SSH2: variants seen among roughly 807,000 people sequenced by gnomAD.
SSH2 encodes protein phosphatase Slingshot homolog 2.
SSH2 carries 37 observed loss-of-function variants against 135.2 expected under a neutral mutation model. That is an observed-to-expected ratio of 0.27 (90% CI 0.21 to 0.36). SSH2 has a LOEUF of 0.36. SSH2 is among the 10% of genes least tolerant of loss of function. The pLI is 1.00. For missense variants in SSH2, 1,408 were observed against 1,765.3 expected, an observed-to-expected ratio of 0.80 and a Z score of 3.63; for synonymous variants, 628 against 646.2, an observed-to-expected ratio of 0.97 and a Z score of 0.43.
At chr17:29,642,574 C>G (rs999518576) in intron 14 of SSH2, among the ~76,000 whole-genome samples, 3 of 151,840 alleles carry the variant, frequency 2.0e-5, no homozygotes, top group Admixed American at 6.6e-5. Context: ...CACCACCCCC[C>G]CCACCGCCTC....
At chr17:29,747,516 A>G (rs1023598998) in intron 3 of SSH2, among the ~76,000 whole-genome samples, 1 of 152,256 alleles carries the variant, frequency 6.6e-6, no homozygotes, top group Non-Finnish European at 1.5e-5. Context: ...CAATCTATTT[A>G]TAAATTACTG....
chr17:29,719,879 C>T (rs1325312991), intron 3 of SSH2, among the ~76,000 whole-genome samples: 2 of 152,158 alleles, frequency 1.3e-5, no homozygotes, highest in Non-Finnish European at 2.9e-5. Flanking sequence ...GCCTCAGCCT[C>T]CCAAATAGCT....
At chr17:29,884,413 G>C (rs1478034000) in intron 1 of SSH2, among the ~76,000 whole-genome samples, 1 of 152,086 alleles carries the variant, frequency 6.6e-6, no homozygotes, top group Non-Finnish European at 1.5e-5. Flanking sequence ...ACATATGGGG[G>C]CTTTCAGGGT....
chr17:29,727,919 AC>A (rs1249311951), intron 3 of SSH2, among the ~76,000 whole-genome samples: 1 of 152,192 alleles, frequency 6.6e-6, no homozygotes, highest in African/African-American at 2.4e-5. Flanking sequence ...GATCGCTCAC[AC>A]CTGTAATCCC....
At chr17:29,649,140 C>CA (rs61278195) in intron 13 of SSH2, among the ~76,000 whole-genome samples, 2,413 of 127,054 alleles carry the variant, frequency 0.019, 54 homozygotes, top group African/African-American at 0.056. Context: ...GACTCTGGCT[C>CA]AAAAAAAAAA....
At position 29,626,641 on chromosome 17, in the gene SSH2, C is replaced by G. The variant is rs2035508850; in HGVS notation, c.*4200G>C. ...GGGCCAGTCACCCTCCATTTCCAGGCTGGAAAAGTACAGAAGCACCTTGCA... is the reference window on the plus strand; with the variant it reads ...GGGCCAGTCACCCTCCATTTCCAGGGTGGAAAAGTACAGAAGCACCTTGCA... On this transcript the variant is annotated 3_prime_UTR_variant, in exon 16 of 16. Coordinates refer to ENST00000540801, the MANE Select transcript of SSH2 (RefSeq NM_001282129.2). 6.5e-6 allele frequency: 1 copy of G among 152,726 alleles called. No homozygotes were observed. The highest frequency in any genetic ancestry group is 2.4e-5 in the African/African-American group (1 of 41,438). The allele number at this position is 152,726 out of a possible 1,614,324, so 9.5% of individuals were successfully genotyped here. A position where few individuals can be genotyped will look rare whatever the true frequency, so the allele number is the denominator to read the frequency against.
intron 1 of SSH2, 147 bp downstream of exon 1, chr17:29,929,791 T>TG: frequency 1.5e-6 from 1 of 670,080 alleles, no homozygotes; most frequent in Non-Finnish European, 2.5e-6. Flanking sequence ...GTCTTTAACA[T>TG]GGGGGTGTGG....
intron 5 of SSH2, among the ~76,000 whole-genome samples, chr17:29,694,395 G>A (rs546286773): frequency 6.6e-6 from 1 of 152,330 alleles, no homozygotes; most frequent in Admixed American, 6.5e-5. Context: ...TAGGGGCTGG[G>A]CACTGTGGCT....
chr17:29,692,732 T>C lies in SSH2; in HGVS notation c.357+2727A>G, dbSNP rs77699732. Among the ~76,000 whole-genome samples the C allele has an allele frequency of 7.3e-3, 1,111 of 152,346 alleles. 19 individuals are homozygous for C. Among genetic ancestry groups the C allele is most frequent in the African/African-American group, 0.025 (1,056 of 41,570 alleles). ...GCTATCAGCAAATATTTATTGGGCA[T>C]CCAGTATGTGCAAGTGACTGTTGTT... is the stretch of plus-strand genomic sequence containing the variant. On this transcript the variant is annotated intron_variant, in intron 5 of 15. Coordinates refer to ENST00000540801, the MANE Select transcript of SSH2 (RefSeq NM_001282129.2).
intron 3 of SSH2, among the ~76,000 whole-genome samples, chr17:29,709,854 T>C (rs1044518539): frequency 1.3e-5 from 2 of 152,160 alleles, no homozygotes; most frequent in African/African-American, 2.4e-5. Context: ...GAGCAAGTTG[T>C]AATATCTGTT....
Position 29,930,066 on chromosome 17 carries a change from C to A in SSH2, c.-66G>T. 1 of 235,566 alleles carries A rather than the reference C, an allele frequency of 4.2e-6. No individual in the cohort carries two copies. The highest frequency in any genetic ancestry group is 4.0e-5 in the South Asian group (1 of 25,284). The allele number at this position is 235,566 out of a possible 1,614,324, so 14.6% of individuals were successfully genotyped here. Reference sequence around the variant, plus strand: ...CTGAGTGTGGGGGACGGGAGGGTGACGGAGCCGGGATGGGGAAAGGGGTGC... The same window carrying A: ...CTGAGTGTGGGGGACGGGAGGGTGAAGGAGCCGGGATGGGGAAAGGGGTGC... On this transcript the variant is annotated 5_prime_UTR_variant, in exon 1 of 16. Transcript: ENST00000540801.
chr17:29,891,867 A>C (rs2066356207), intron 1 of SSH2, among the ~76,000 whole-genome samples: 1 of 152,318 alleles, frequency 6.6e-6, no homozygotes, highest in South Asian at 2.1e-4. Flanking sequence ...TGACTAGCCC[A>C]TTAGCTTTCC....
intron 3 of SSH2, chr17:29,761,562 C>A (rs973724823): frequency 5.0e-6 from 2 of 399,900 alleles, no homozygotes; most frequent in Non-Finnish European, 6.8e-6. Context: ...TCCCGCAGCG[C>A]GCGTCACAGC....
intron 14 of SSH2, chr17:29,643,038 A>G (rs188249863): frequency 5.0e-4 from 387 of 780,390 alleles, no homozygotes; most frequent in Non-Finnish European, 5.9e-4. Flanking sequence ...ACACTTGGAC[A>G]GGAAATGGAC....
chr17:29,682,787 T>C (rs1368983815), intron 6 of SSH2, among the ~76,000 whole-genome samples: 1 of 152,216 alleles, frequency 6.6e-6, no homozygotes, highest in Non-Finnish European at 1.5e-5. Context: ...CTAATGAATG[T>C]AAACAAGGTA....
At chr17:29,890,057 G>A (rs1259828435) in intron 1 of SSH2, among the ~76,000 whole-genome samples, 1 of 152,166 alleles carries the variant, frequency 6.6e-6, no homozygotes, top group East Asian at 1.9e-4. Flanking sequence ...GTGAGCACAT[G>A]AAAAGATGTT....
intron 3 of SSH2, among the ~76,000 whole-genome samples, chr17:29,740,063 A>G (rs2040503796): frequency 6.6e-6 from 1 of 152,210 alleles, no homozygotes; most frequent in South Asian, 2.1e-4. Flanking sequence ...TTAAAGCTGG[A>G]TTGACCTCGC....
intron 1 of SSH2, chr17:29,928,635 T>C: frequency 2.5e-6 from 1 of 398,438 alleles, no homozygotes; most frequent in Non-Finnish European, 4.4e-6. Context: ...CTTATTAAGA[T>C]ATAGTTGTCA....
intron 9 of SSH2, among the ~76,000 whole-genome samples, chr17:29,668,123 T>C (rs965868811): frequency 6.6e-6 from 1 of 152,200 alleles, no homozygotes; most frequent in Admixed American, 6.5e-5. Context: ...ACCTCCTTAT[T>C]TGGAGATGAA....
Sources: allele counts gnomAD v4.1 joint callset (sites outside exome capture counted in the v4.1 genomes callset), GRCh38; gene constraint gnomAD v4.1.1; transcripts MANE v1.5; gene names NCBI Gene and HGNC (gene_info 2026-07-23, HGNC 2026-07-21).